ECI1: variants seen among roughly 807,000 people sequenced by gnomAD.
ECI1 encodes enoyl-CoA delta isomerase 1, also known as enoyl-CoA delta isomerase 1, mitochondrial.
In ECI1, 34 loss-of-function variants were observed where a neutral mutation model predicts 34.2. That is an observed-to-expected ratio of 1.00 (90% CI 0.76 to 1.33). ECI1 has a LOEUF of 1.33. Ranked by LOEUF, ECI1 falls within the 40% of genes most tolerant of loss-of-function variation. ECI1 has a pLI of 0.00. For missense variants in ECI1, 456 were observed against 422.2 expected (o/e 1.08, Z -0.70); for synonymous variants, 211 against 193.0 (o/e 1.09, Z -0.77).
Position 2,243,348 on chromosome 16 carries a change from T to TC in ECI1, c.532dup (p.Glu178GlyfsTer163), listed in dbSNP as rs1567312959. 6.2e-7 allele frequency: 1 copy of TC among 1,613,764 alleles called. No individual in the cohort carries two copies. The highest frequency in any genetic ancestry group is 8.5e-7 in the Non-Finnish European group (1 of 1,180,028). ...AGGGGCGATGATGCCCAGCTGGGTCTCATTGAGTCCTATGCAGTACCTGGG... is the reference window on the plus strand; with the variant it reads ...AGGGGCGATGATGCCCAGCTGGGTCTCCATTGAGTCCTATGCAGTACCTGGG... On this transcript the variant is annotated frameshift_variant, in exon 5 of 7. Transcript: ENST00000301729. LOFTEE classifies it high-confidence loss of function.
chr16:2,247,142 G>A (rs1455277995), intron 2 of ECI1, among the ~76,000 whole-genome samples, 156 bp from the exon 3 acceptor site: 2 of 152,146 alleles, frequency 1.3e-5, no homozygotes, highest in African/African-American at 4.8e-5. Flanking sequence ...TGTCACCCAG[G>A]CTGGAGTGCA....
At chr16:2,246,783 G>A (rs2093541227) in intron 3 of ECI1, 76 bp downstream of exon 3, 3 of 1,603,802 alleles carry the variant, frequency 1.9e-6, no homozygotes, top group Non-Finnish European at 1.7e-6. Flanking sequence ...TCTTCCATGT[G>A]CAACAGGCCT....
At chr16:2,251,242 G>T in intron 2 of ECI1, 74 bp downstream of exon 2, 2 of 699,858 alleles carry the variant, frequency 2.9e-6, no homozygotes, top group Non-Finnish European at 3.7e-6. Flanking sequence ...GTGGTTCTCC[G>T]ACAGCACCCC....
rs1241074552 is a variant in ECI1 at position 2,251,540 on chromosome 16, G to A, written c.27C>T (p.Val9=). ...CCGCGCGGAGCAGAACGCGCGCCGG[G>A]ACTCGCACAGAAGCCACCAGCGCCA... MALVASVR[V]PARVLLRAGA... Residue 9 remains valine (V), a synonymous_variant, in exon 1 of 7, where the codon GTC becomes GTT. Coordinates refer to ENST00000301729, the MANE Select transcript of ECI1 (RefSeq NM_001919.4). 4.5e-6 allele frequency: 7 copies of A among 1,560,494 alleles called. No homozygotes were observed. The highest frequency in any genetic ancestry group is 6.1e-6 in the Non-Finnish European group (7 of 1,153,468).
intron 6 of ECI1, chr16:2,242,845 C>G: frequency 1.6e-6 from 1 of 611,078 alleles, no homozygotes; most frequent in Admixed American, 2.6e-5. Flanking sequence ...TTTTGCACCT[C>G]TGGTCTCCAG....
intron 6 of ECI1, 30 bp downstream of exon 6, chr16:2,243,016 A>G: frequency 6.3e-7 from 1 of 1,580,388 alleles, no homozygotes. Context: ...CCCCAGCATC[A>G]TCGGGCGCCC....
At chr16:2,247,331 G>A (rs1354985323) in intron 2 of ECI1, among the ~76,000 whole-genome samples, 7 of 152,146 alleles carry the variant, frequency 4.6e-5, no homozygotes, top group Non-Finnish European at 4.4e-5. Flanking sequence ...TCTTGACCTC[G>A]CGATCTGCCC....
chr16:2,243,132 T>A lies in ECI1; in HGVS notation c.656A>T (p.Gln219Leu). 1 of 1,606,466 alleles carries A rather than the reference T, an allele frequency of 6.2e-7. No individual in the cohort carries two copies. The highest frequency in any genetic ancestry group is 8.5e-7 in the Non-Finnish European group (1 of 1,179,662). Residue 219 changes from glutamine (Q) to leucine (L), a missense_variant, in exon 6 of 7, where the codon CAG becomes CTG. By Grantham distance (113) the Gln-to-Leu change is moderately radical. Transcript: ENST00000301729. ...GLLFPPAEAL[Q>L]VGIVDQVVPE... is the part of the protein sequence containing the mutation. ...GACCACCTGGTCCACTATGCCCACC[T>A]GCAGGGCCTCCGCCGGCGGGAAGAG...
intron 3 of ECI1, 45 bp from the exon 4 acceptor site, chr16:2,244,597 C>T: frequency 6.4e-7 from 1 of 1,553,388 alleles, no homozygotes. Context: ...GTCCACCTCC[C>T]AGCTGGCATC....
At position 2,243,333 on chromosome 16, in the gene ECI1, A is replaced by G. The variant is rs1308885223; in HGVS notation, c.548T>C (p.Ile183Thr). The G allele has an allele frequency of 6.8e-6, 11 of 1,613,594 alleles. No homozygotes were observed. Among genetic ancestry groups the G allele is most frequent in the Non-Finnish European group, 2.5e-6 (3 of 1,180,032 alleles). The change falls in exon 5 of 7, where the codon ATC (isoleucine) becomes ACC (threonine). Residue 183 changes from isoleucine to threonine, a missense_variant. Ile to Thr is a moderately conservative substitution (Grantham distance 89). Transcript: ENST00000301729. Reference sequence around the variant, plus strand: ...AGGGCCTTACCAGAAAGGGGCGATGATGCCCAGCTGGGTCTCATTGAGTCC... The same window carrying G: ...AGGGCCTTACCAGAAAGGGGCGATGGTGCCCAGCTGGGTCTCATTGAGTCC... ...CIGLNETQLG[I>T]IAPFWLKDTL...
chr16:2,244,290 C>T (rs1184350996), intron 4 of ECI1, 116 bp downstream of exon 4: 14 of 1,285,222 alleles, frequency 1.1e-5, no homozygotes, highest in African/African-American at 2.9e-5. Context: ...ATCTCAGGGC[C>T]TCTCCAACCG....
At chr16:2,248,009 T>C (rs897864201) in intron 2 of ECI1, among the ~76,000 whole-genome samples, 3 of 152,154 alleles carry the variant, frequency 2.0e-5, no homozygotes, top group African/African-American at 7.2e-5. Context: ...GTTTTTTACA[T>C]TGAAGTAAGA....
intron 3 of ECI1, among the ~76,000 whole-genome samples, chr16:2,245,767 C>T (rs1404622498): frequency 6.6e-6 from 1 of 152,134 alleles, no homozygotes; most frequent in East Asian, 1.9e-4. Context: ...AATCCTAGCA[C>T]ACTGGGGAGC....
chr16:2,250,068 T>C (rs1029769796), intron 2 of ECI1, among the ~76,000 whole-genome samples: 2 of 148,274 alleles, frequency 1.3e-5, no homozygotes, highest in African/African-American at 5.0e-5. Flanking sequence ...TATTCAAATA[T>C]GCTACAGAAA....
intron 2 of ECI1, among the ~76,000 whole-genome samples, chr16:2,250,373 A>AACC (rs2093550563): frequency 6.6e-6 from 1 of 152,088 alleles, no homozygotes; most frequent in South Asian, 2.1e-4. Flanking sequence ...GAGAGGACGG[A>AACC]ACCAAGTTCA....
At chr16:2,243,683 G>C (rs528271455) in intron 4 of ECI1, among the ~76,000 whole-genome samples, 28 of 152,272 alleles carry the variant, frequency 1.8e-4, no homozygotes, top group African/African-American at 6.0e-4. Flanking sequence ...TTAGTTCTTC[G>C]GCAACAGATA....
At position 2,244,951 on chromosome 16, in the gene ECI1, G is replaced by A. The variant is rs140743094; in HGVS notation, c.295-399C>T. 5.1e-3 allele frequency among the ~76,000 whole-genome samples: 778 copies of A among 152,290 alleles called. 10 individuals are homozygous for A. Among genetic ancestry groups the A allele is most frequent in the African/African-American group, 0.018 (747 of 41,558 alleles). On this transcript the variant is annotated intron_variant, in intron 3 of 6. Coordinates refer to ENST00000301729, the MANE Select transcript of ECI1 (RefSeq NM_001919.4). ...GAATCATTTACCCGCAAAGGGCCAA[G>A]CAAGCCAGGGACCCCCGTGTGGACC...
rs553394469 is a variant in ECI1 at position 2,239,788 on chromosome 16, G to A, written c.*191C>T. 7.8e-5 allele frequency: 50 copies of A among 641,316 alleles called. No homozygotes were observed. Among genetic ancestry groups the A allele is most frequent in the Middle Eastern group, 3.9e-4 (1 of 2,552 alleles). 39.7% of individuals were successfully genotyped at this position (641,316 alleles called of 1,614,324 possible). The stretch of plus-strand genomic sequence containing the variant: ...TGCCCTCCAACTCCCCTTGCCTGAC[G>A]GGCACAGGCACCCATGTGTGTTTGT... On this transcript the variant is annotated 3_prime_UTR_variant, in exon 7 of 7. Transcript: ENST00000301729.
intron 2 of ECI1, 52 bp downstream of exon 2, chr16:2,251,263 AC>A (rs1238895695): frequency 4.5e-6 from 4 of 896,916 alleles, no homozygotes; most frequent in Admixed American, 4.9e-5. Flanking sequence ...GCGAGCGCGG[AC>A]CCCCGCGGGT....
Sources: allele counts gnomAD v4.1 joint callset (sites outside exome capture counted in the v4.1 genomes callset), GRCh38; gene constraint gnomAD v4.1.1; transcripts MANE v1.5; gene names NCBI Gene and HGNC (gene_info 2026-07-23, HGNC 2026-07-21).